PRKX: variants seen among roughly 807,000 people sequenced by gnomAD.
PRKX encodes protein kinase cAMP-dependent X-linked catalytic subunit.
A neutral mutation model predicts 22.0 loss-of-function variants in PRKX; 12 were observed. The ratio of observed to expected loss-of-function variants is 0.54; its 90% CI spans 0.35 to 0.88. The LOEUF is 0.88. Ranked by LOEUF, PRKX falls within the 40% of genes least tolerant of loss-of-function variation. PRKX has a pLI of 0.01. For missense variants in PRKX, 217 were observed against 308.0 expected (o/e 0.70, Z 2.21); for synonymous variants, 134 against 137.7 (o/e 0.97, Z 0.19).
chrX:3,669,311 T>C lies in PRKX; in HGVS notation c.335+5287A>G, dbSNP rs781468539. Among the ~76,000 whole-genome samples the C allele has an allele frequency of 6.5e-3, 516 of 79,614 alleles. 6 individuals carry two copies. Among genetic ancestry groups the C allele is most frequent in the African/African-American group, 0.022 (487 of 21,901 alleles). The allele number at this position is 79,614 out of a possible 115,157, so 69.1% of individuals were successfully genotyped here. A position where few individuals can be genotyped will look rare whatever the true frequency, so the allele number is the denominator to read the frequency against. The stretch of plus-strand genomic sequence containing the variant: ...CATCTATCAAATATCTGTCTCAATG[T>C]TGATCTCCATCCATCCATCCATCCA... On this transcript the variant is annotated intron_variant, in intron 2 of 8. Coordinates refer to ENST00000262848, the MANE Select transcript of PRKX (RefSeq NM_005044.5).
intron 2 of PRKX, among the ~76,000 whole-genome samples, chrX:3,672,120 G>A (rs755680118): frequency 5.4e-5 from 6 of 111,062 alleles, no homozygotes; most frequent in South Asian, 3.8e-4. Context: ...GCTTAAGCCC[G>A]GGAGGTTGGG....
chrX:3,671,766 T>C (rs770619253), intron 2 of PRKX, among the ~76,000 whole-genome samples: 8 of 111,009 alleles, frequency 7.2e-5, no homozygotes, highest in Non-Finnish European at 1.1e-4. Flanking sequence ...GGTGGGAAGA[T>C]CATTTGAGCC....
In PRKX at chrX:3,689,732, CT is replaced by C. The variant is rs1243060770; in HGVS notation, c.167-14967del. On this transcript the variant is annotated intron_variant, in intron 1 of 8. Coordinates refer to ENST00000262848, the MANE Select transcript of PRKX (RefSeq NM_005044.5). ...GTGGCTCACACCTGTAATCCCAACA[CT>C]TTGGGAGGCCAAGGCGGGCGGATCA... Among the ~76,000 whole-genome samples the C allele has an allele frequency of 2.7e-5, 3 of 111,799 alleles. No homozygotes were observed. In the East Asian group the frequency reaches 8.5e-4, roughly 32 times the overall value.
chrX:3,624,642 CAG>C (rs2146562062), intron 5 of PRKX, among the ~76,000 whole-genome samples: 1 of 110,562 alleles, frequency 9.0e-6, no homozygotes, highest in African/African-American at 3.3e-5. Flanking sequence ...TTTCTTGACA[CAG>C]AGTTTCACTC....
intron 4 of PRKX, among the ~76,000 whole-genome samples, chrX:3,627,034 TCA>T (rs1247806717): frequency 1.8e-5 from 2 of 111,129 alleles, no homozygotes; most frequent in Non-Finnish European, 3.8e-5. Flanking sequence ...ATGCTCAACG[TCA>T]CTAATCATCA....
intron 2 of PRKX, among the ~76,000 whole-genome samples, chrX:3,670,572 G>T (rs1376912960): frequency 1.8e-5 from 2 of 111,512 alleles, no homozygotes; most frequent in African/African-American, 6.5e-5. Flanking sequence ...TTGAGACAGG[G>T]TCTTGCTCTG....
At chrX:3,660,660 G>A (rs1927575888) in intron 2 of PRKX, among the ~76,000 whole-genome samples, 1 of 111,952 alleles carries the variant, frequency 8.9e-6, no homozygotes, top group East Asian at 2.8e-4. Context: ...GAGCATCAGA[G>A]ATAATTAACC....
At chrX:3,682,498 CCTGGGCA>C (rs1275713832) in intron 1 of PRKX, among the ~76,000 whole-genome samples, 4 of 110,567 alleles carry the variant, frequency 3.6e-5, no homozygotes, top group Non-Finnish European at 7.6e-5. Context: ...TTGAGACCAG[CCTGGGCA>C]ACACAGCAAG....
chrX:3,685,950 CAGGG>C (rs1286252967), intron 1 of PRKX, among the ~76,000 whole-genome samples: 1 of 111,207 alleles, frequency 9.0e-6, no homozygotes, highest in Non-Finnish European at 1.9e-5. Flanking sequence ...GGAGGCTGAG[CAGGG>C]AGGATCTCTT....
chrX:3,658,287 G>A (rs1203838632), intron 2 of PRKX, among the ~76,000 whole-genome samples: 5 of 109,896 alleles, frequency 4.5e-5, no homozygotes, highest in East Asian at 5.8e-4. Context: ...CACCGTGCCC[G>A]GTCTGTTTGT....
intron 2 of PRKX, among the ~76,000 whole-genome samples, chrX:3,665,318 A>G: frequency 9.0e-6 from 1 of 110,678 alleles, no homozygotes; most frequent in Non-Finnish European, 1.9e-5. Context: ...ATTTACTAAA[A>G]GTACAAAATT....
At chrX:3,633,893 TA>T (rs1301700550) in intron 4 of PRKX, among the ~76,000 whole-genome samples, 1 of 111,685 alleles carries the variant, frequency 9.0e-6, no homozygotes, top group African/African-American at 3.3e-5. Context: ...AGAATTTCAC[TA>T]GAATTTCATC....
chrX:3,684,796 T>A (rs943547173), intron 1 of PRKX, among the ~76,000 whole-genome samples: 28 of 111,002 alleles, frequency 2.5e-4, no homozygotes, highest in African/African-American at 4.9e-4. Context: ...TGTGTCCTCA[T>A]CTCTGTTTTT....
intron 1 of PRKX, among the ~76,000 whole-genome samples, chrX:3,694,672 T>C (rs747984741): frequency 6.6e-4 from 74 of 112,401 alleles, no homozygotes; most frequent in African/African-American, 1.9e-3. Context: ...TGGGAACTTA[T>C]TTGGAAATAA....
chrX:3,622,048 G>A (rs1926567854), intron 5 of PRKX, among the ~76,000 whole-genome samples: 4 of 111,073 alleles, frequency 3.6e-5, no homozygotes, highest in Admixed American at 2.9e-4. Context: ...GGAGGCTGAG[G>A]CACAAGAACC....
intron 2 of PRKX, among the ~76,000 whole-genome samples, chrX:3,658,074 T>C (rs1927517122): frequency 9.2e-6 from 1 of 109,270 alleles, no homozygotes; most frequent in African/African-American, 3.3e-5. Context: ...CACTGCAACC[T>C]CCGCCTCCTG....
intron 8 of PRKX, among the ~76,000 whole-genome samples, chrX:3,609,253 C>T (rs1226934452): frequency 9.0e-6 from 1 of 111,203 alleles, no homozygotes; most frequent in Non-Finnish European, 1.9e-5. Context: ...CCTCCGCCTC[C>T]ATGTTCAAGT....
intron 1 of PRKX, among the ~76,000 whole-genome samples, chrX:3,675,207 G>A (rs1422252077): frequency 8.9e-6 from 1 of 111,751 alleles, no homozygotes; most frequent in Non-Finnish European, 1.9e-5. Context: ...CAGACAGGGT[G>A]TAAAACACAC....
At chrX:3,625,404 G>A (rs1305429463) in intron 5 of PRKX, among the ~76,000 whole-genome samples, 4 of 111,927 alleles carry the variant, frequency 3.6e-5, no homozygotes, top group Non-Finnish European at 7.5e-5. Context: ...CCATGGAAAA[G>A]AAAAGTTTAA....
Sources: gnomAD v4.1 joint callset for allele counts (sites outside exome capture counted in the v4.1 genomes callset) on GRCh38, gnomAD v4.1.1 for gene constraint, MANE v1.5 for transcripts, NCBI Gene and HGNC (gene_info 2026-07-23, HGNC 2026-07-21) for gene names.